The following GRID2 variants were observed in gnomAD, a reference collection of about 807,000 sequenced individuals.
GRID2 encodes glutamate ionotropic receptor delta type subunit 2.
A neutral mutation model predicts 114.8 loss-of-function variants in GRID2; 33 were observed. That is an observed-to-expected ratio of 0.29 (90% CI 0.22 to 0.38). GRID2 has a LOEUF of 0.38. GRID2 is among the 10% of genes least tolerant of loss of function. GRID2 has a pLI of 1.00. For missense variants in GRID2, 1,184 were observed against 1,257.7 expected, an observed-to-expected ratio of 0.94 and a Z score of 0.89; for synonymous variants, 505 against 449.9, an observed-to-expected ratio of 1.12 and a Z score of -1.55.
At chr4:93,442,133 A>G (rs1458453892) in intron 10 of GRID2, among the ~76,000 whole-genome samples, 5 of 152,206 alleles carry the variant, frequency 3.3e-5, no homozygotes, top group Non-Finnish European at 5.9e-5. Context: ...TAAAACATCT[A>G]TATAATAGCT....
At chr4:93,110,572 A>T (rs563750943) in intron 3 of GRID2, among the ~76,000 whole-genome samples, 176 bp from the exon 4 acceptor site, 1 of 152,312 alleles carries the variant, frequency 6.6e-6, no homozygotes, top group African/African-American at 2.4e-5. Context: ...TCATGTGAAC[A>T]TTTCAAAATG....
chr4:92,942,869 C>A (rs2149539224), intron 2 of GRID2, among the ~76,000 whole-genome samples: 1 of 152,250 alleles, frequency 6.6e-6, no homozygotes, highest in East Asian at 1.9e-4. Context: ...GTTGAAAATT[C>A]TTTTCTTTAA....
intron 2 of GRID2, among the ~76,000 whole-genome samples, chr4:92,633,139 G>C (rs563679528): frequency 6.6e-6 from 1 of 152,212 alleles, no homozygotes; most frequent in East Asian, 1.9e-4. Flanking sequence ...GCTCTTTCTG[G>C]TGCATGACAC....
At chr4:92,376,160 A>G (rs1437057761) in intron 1 of GRID2, among the ~76,000 whole-genome samples, 1 of 152,034 alleles carries the variant, frequency 6.6e-6, no homozygotes, top group Non-Finnish European at 1.5e-5. Context: ...AATACAAAAA[A>G]TTAGCCCGGT....
At chr4:92,555,225 A>G (rs1726793749) in intron 1 of GRID2, among the ~76,000 whole-genome samples, 1 of 152,160 alleles carries the variant, frequency 6.6e-6, no homozygotes, top group South Asian at 2.1e-4. Flanking sequence ...ATAAAAGGCC[A>G]TATTAACCCA....
chr4:93,107,236 T>G (rs1732325369), intron 3 of GRID2, among the ~76,000 whole-genome samples: 1 of 151,858 alleles, frequency 6.6e-6, no homozygotes. Context: ...GAGGTGGAGG[T>G]TGCAATGAGC....
At chr4:93,188,974 G>T (rs1459114121) in intron 4 of GRID2, among the ~76,000 whole-genome samples, 1 of 152,010 alleles carries the variant, frequency 6.6e-6, no homozygotes, top group Non-Finnish European at 1.5e-5. Context: ...AACCATTTAG[G>T]TAATCTCTAA....
intron 1 of GRID2, among the ~76,000 whole-genome samples, chr4:92,563,697 A>T (rs1198519052): frequency 6.6e-6 from 1 of 152,074 alleles, no homozygotes; most frequent in African/African-American, 2.4e-5. Context: ...GTCAACTCAG[A>T]TCATTTTTTA....
intron 1 of GRID2, among the ~76,000 whole-genome samples, chr4:92,495,875 A>G (rs993230716): frequency 2.0e-5 from 3 of 151,916 alleles, no homozygotes; most frequent in Non-Finnish European, 4.4e-5. Flanking sequence ...GAGATCGGAA[A>G]GATTTTAGAT....
At chr4:92,548,854 A>C (rs1383049699) in intron 1 of GRID2, among the ~76,000 whole-genome samples, 2 of 152,066 alleles carry the variant, frequency 1.3e-5, no homozygotes, top group Non-Finnish European at 2.9e-5. Flanking sequence ...TCGCCAGAGA[A>C]GGAGGAAGTA....
chr4:93,724,252 G>C (rs893233374), intron 14 of GRID2, among the ~76,000 whole-genome samples: 1 of 152,126 alleles, frequency 6.6e-6, no homozygotes, highest in African/African-American at 2.4e-5. Context: ...ATGTTCAAGC[G>C]CATGCGGGAT....
At chr4:93,026,491 G>A (rs754681246) in intron 2 of GRID2, among the ~76,000 whole-genome samples, 34 of 151,944 alleles carry the variant, frequency 2.2e-4, no homozygotes, top group Non-Finnish European at 4.4e-4. Context: ...ATTTTACAAT[G>A]TGTGAACAAA....
intron 2 of GRID2, among the ~76,000 whole-genome samples, chr4:92,634,723 A>C (rs1421986430): frequency 6.7e-6 from 1 of 150,138 alleles, no homozygotes; most frequent in Non-Finnish European, 1.5e-5. Flanking sequence ...GGGAAAATAT[A>C]TTAGAAACAT....
At chr4:92,452,668 G>C (rs1720987690) in intron 1 of GRID2, among the ~76,000 whole-genome samples, 1 of 151,798 alleles carries the variant, frequency 6.6e-6, no homozygotes, top group African/African-American at 2.4e-5. Context: ...AGTTTTCTGT[G>C]CTATTTTAAG....
intron 2 of GRID2, among the ~76,000 whole-genome samples, chr4:92,970,761 A>G (rs767415022): frequency 3.1e-4 from 47 of 152,082 alleles, no homozygotes; most frequent in Middle Eastern, 3.4e-3. Flanking sequence ...TTTAGTCAGG[A>G]TCTGAGCTAC....
At chr4:92,834,907 T>C (rs1266493044) in intron 2 of GRID2, among the ~76,000 whole-genome samples, 1 of 152,104 alleles carries the variant, frequency 6.6e-6, no homozygotes, top group African/African-American at 2.4e-5. Flanking sequence ...CTCTTGATAA[T>C]GTATCAAGTG....
chr4:92,943,304 CTTCATTTCA>C (rs531580547), intron 2 of GRID2, among the ~76,000 whole-genome samples: 174 of 152,206 alleles, frequency 1.1e-3, no homozygotes, highest in South Asian at 3.1e-3. Flanking sequence ...TCTCTTCTCA[CTTCATTTCA>C]TTCATTTCAT....
intron 1 of GRID2, among the ~76,000 whole-genome samples, chr4:93,798,966 G>A (rs990962896): frequency 6.6e-6 from 1 of 152,276 alleles, no homozygotes; most frequent in Admixed American, 6.5e-5. Flanking sequence ...AAAAAAGCAG[G>A]GGGTAGGCAA....
At chr4:93,758,579 T>G (rs1375591618) in intron 14 of GRID2, among the ~76,000 whole-genome samples, 1 of 152,226 alleles carries the variant, frequency 6.6e-6, no homozygotes, top group African/African-American at 2.4e-5. Context: ...AAAAGTATCC[T>G]TCTTAATCTT....
Sources: gnomAD v4.1 joint callset for allele counts (sites outside exome capture counted in the v4.1 genomes callset) on GRCh38, gnomAD v4.1.1 for gene constraint, MANE v1.5 for transcripts, NCBI Gene and HGNC (gene_info 2026-07-23, HGNC 2026-07-21) for gene names.